Variants in PLPPR1 observed in about 807,000 individuals in gnomAD.
PLPPR1 encodes phospholipid phosphatase-related protein type 1.
PLPPR1 carries 10 observed loss-of-function variants against 33.1 expected under a neutral mutation model. The observed-to-expected ratio is 0.30, with a 90% CI of 0.19 to 0.51. The LOEUF is 0.51. PLPPR1 is among the 20% of genes least tolerant of loss of function. The pLI, the probability that PLPPR1 is intolerant of heterozygous loss-of-function variation, is 0.97. For synonymous variants in PLPPR1, 151 were observed against 151.0 expected, an observed-to-expected ratio of 1.00 and a Z score of 0.00; for missense variants, 304 against 408.1, an observed-to-expected ratio of 0.74 and a Z score of 2.20.
At chr9:101,135,789 T>C (rs946261490) in intron 1 of PLPPR1, among the ~76,000 whole-genome samples, 27 of 152,218 alleles carry the variant, frequency 1.8e-4, no homozygotes, top group Non-Finnish European at 2.9e-5. Context: ...CCCTGTTTGC[T>C]GCTACATTCT....
chr9:101,152,231 T>A (rs1831598635), intron 1 of PLPPR1, among the ~76,000 whole-genome samples: 1 of 152,232 alleles, frequency 6.6e-6, no homozygotes, highest in Admixed American at 6.5e-5. Context: ...CTTTGCCCAC[T>A]TTTCGCTGGA....
intron 2 of PLPPR1, among the ~76,000 whole-genome samples, chr9:101,263,827 G>C (rs980653319): frequency 1.3e-5 from 2 of 152,138 alleles, no homozygotes; most frequent in African/African-American, 4.8e-5. Context: ...GTTAATTTAC[G>C]TAAGGTGTTT....
intron 2 of PLPPR1, among the ~76,000 whole-genome samples, chr9:101,229,412 AT>A (rs1827138053): frequency 6.6e-6 from 1 of 151,990 alleles, no homozygotes; most frequent in Admixed American, 6.6e-5. Context: ...TTCACACTTT[AT>A]TTTTTTCCAT....
In PLPPR1 at chr9:101,246,095, TATATATATATATATAG is replaced by T. The variant is rs1287561640; in HGVS notation, c.64-23781_64-23766del. 1.3e-3 allele frequency among the ~76,000 whole-genome samples: 146 copies of T among 110,336 alleles called. 1 individual carries two copies. The highest frequency in any genetic ancestry group is 2.2e-3 in the African/African-American group (72 of 32,616). The allele number at this position is 110,336 out of a possible 152,430, so 72.4% of individuals were successfully genotyped here. On this transcript the variant is annotated intron_variant, in intron 2 of 7. Coordinates refer to ENST00000374874, the MANE Select transcript of PLPPR1 (RefSeq NM_207299.2). ...ATATATATATATATATATATATATATATATATATATATATAGATAGATAGATAGATTTGTATAAGCA... is the reference window on the plus strand; with the variant it reads ...ATATATATATATATATATATATATATATAGATAGATAGATTTGTATAAGCA...
intron 1 of PLPPR1, among the ~76,000 whole-genome samples, chr9:101,054,761 T>C (rs181698253): frequency 4.5e-4 from 69 of 152,346 alleles, no homozygotes; most frequent in Non-Finnish European, 8.8e-4. Context: ...GAGCCTTCTT[T>C]GTTTCAAGTC....
At chr9:101,096,647 T>C (rs16919847) in intron 1 of PLPPR1, among the ~76,000 whole-genome samples, 4,548 of 140,274 alleles carry the variant, frequency 0.032, 98 homozygotes, top group East Asian at 0.085. Context: ...ATTATTTTCA[T>C]GTACATGTGT....
intron 4 of PLPPR1, among the ~76,000 whole-genome samples, chr9:101,294,815 G>A (rs1176485510): frequency 6.6e-6 from 1 of 151,870 alleles, no homozygotes; most frequent in African/African-American, 2.4e-5. Context: ...AATAATAAGA[G>A]CTATCTATGA....
intron 2 of PLPPR1, among the ~76,000 whole-genome samples, chr9:101,243,178 A>G (rs918163282): frequency 6.6e-6 from 1 of 152,024 alleles, no homozygotes; most frequent in African/African-American, 2.4e-5. Context: ...GGCGACAGCT[A>G]TGAGATGAGG....
At chr9:101,186,465 C>T (rs1012899885) in intron 2 of PLPPR1, among the ~76,000 whole-genome samples, 25 of 151,768 alleles carry the variant, frequency 1.6e-4, no homozygotes, top group African/African-American at 3.9e-4. Flanking sequence ...TTCTTTCTTA[C>T]GGCATCTTTT....
chr9:101,249,501 A>G (rs1827677570), intron 2 of PLPPR1, among the ~76,000 whole-genome samples: 1 of 152,044 alleles, frequency 6.6e-6, no homozygotes, highest in Admixed American at 6.6e-5. Context: ...ATCTGTCATA[A>G]TCATGGATGG....
rs545723342 is a variant in PLPPR1 at position 101,303,280 on chromosome 9, A to G, written c.386-5931A>G. 7.3e-5 allele frequency among the ~76,000 whole-genome samples: 11 copies of G among 149,968 alleles called. No individual in the cohort carries two copies. In the South Asian group the frequency reaches 2.1e-3, roughly 29 times the overall value. Reference sequence around the variant, plus strand: ...ATTACGGGGACAAGCCACTCTGCCCACAGGTTTTTTTGTTTGGTTTGGTTT... The same window carrying G: ...ATTACGGGGACAAGCCACTCTGCCCGCAGGTTTTTTTGTTTGGTTTGGTTT... On this transcript the variant is annotated intron_variant, in intron 4 of 7. Transcript: ENST00000374874.
chr9:101,313,000 T>A (rs561384824), intron 6 of PLPPR1, 26 bp downstream of exon 6: 2 of 1,607,032 alleles, frequency 1.2e-6, no homozygotes, highest in South Asian at 2.2e-5. Flanking sequence ...TCTTTTTACC[T>A]TTTCCCCCTC....
In PLPPR1 at chr9:101,119,625, A is replaced by G. The variant is rs1044054243; in HGVS notation, c.-45-65825A>G. Among the ~76,000 whole-genome samples, 11 of 152,342 alleles carry G rather than the reference A, an allele frequency of 7.2e-5. No individual in the cohort carries two copies. In the East Asian group the frequency reaches 7.7e-4, roughly 11 times the overall value. Reference sequence around the variant, plus strand: ...CCCTGAAGTAGATTAGGGAATATCAATGGGAAACTAGAAACTCAGCATGTG... The same window carrying G: ...CCCTGAAGTAGATTAGGGAATATCAGTGGGAAACTAGAAACTCAGCATGTG... On this transcript the variant is annotated intron_variant, in intron 1 of 7. Coordinates refer to ENST00000374874, the MANE Select transcript of PLPPR1 (RefSeq NM_207299.2).
intron 1 of PLPPR1, among the ~76,000 whole-genome samples, chr9:101,154,472 T>A (rs1179304665): frequency 1.3e-5 from 2 of 152,214 alleles, no homozygotes; most frequent in Non-Finnish European, 2.9e-5. Flanking sequence ...ATCCATTTCA[T>A]CTAGATTTTC....
chr9:101,099,983 A>T (rs2118550769), intron 1 of PLPPR1, among the ~76,000 whole-genome samples: 1 of 152,236 alleles, frequency 6.6e-6, no homozygotes, highest in Non-Finnish European at 1.5e-5. Flanking sequence ...AGTGTATTGC[A>T]GTAAAATGAG....
At chr9:101,059,613 C>T (rs1484814622) in intron 1 of PLPPR1, among the ~76,000 whole-genome samples, 1 of 151,982 alleles carries the variant, frequency 6.6e-6, no homozygotes, top group East Asian at 1.9e-4. Flanking sequence ...TCAAGCAACT[C>T]AATAGCAAAA....
At chr9:101,295,998 C>T (rs562018342) in intron 4 of PLPPR1, among the ~76,000 whole-genome samples, 1 of 149,466 alleles carries the variant, frequency 6.7e-6, no homozygotes, top group Admixed American at 6.7e-5. Context: ...AAGAAACTAC[C>T]ATCAGAGTGA....
At chr9:101,312,699 C>G (rs950423675) in intron 5 of PLPPR1, 99 bp from the exon 6 acceptor site, 2 of 883,094 alleles carry the variant, frequency 2.3e-6, no homozygotes, top group Non-Finnish European at 3.5e-6. Flanking sequence ...GACACAAGCC[C>G]CTGCTTGTGT....
intron 1 of PLPPR1, among the ~76,000 whole-genome samples, chr9:101,065,038 T>C (rs1830394332): frequency 6.6e-6 from 1 of 152,084 alleles, no homozygotes; most frequent in Non-Finnish European, 1.5e-5. Context: ...CATGAACTTT[T>C]AGGGGACACA....
Sources: allele counts gnomAD v4.1 joint callset (sites outside exome capture counted in the v4.1 genomes callset), GRCh38; gene constraint gnomAD v4.1.1; transcripts MANE v1.5; gene names NCBI Gene and HGNC (gene_info 2026-07-23, HGNC 2026-07-21).